FIRRM: variants seen among roughly 807,000 people sequenced by gnomAD.
FIRRM encodes the protein FIGNL1-interacting regulator of recombination and mitosis.
At chr1:169,800,213 A>G in the FIRRM span, among the ~76,000 whole-genome samples, 2 of 151,610 alleles carry the variant, frequency 1.3e-5, no homozygotes, top group East Asian at 2.0e-4. Context: ...TTCTATTTAT[A>G]TATTTATTTT....
the FIRRM span, among the ~76,000 whole-genome samples, chr1:169,821,194 G>C: frequency 0.066 from 10,088 of 152,068 alleles, 432 homozygotes; most frequent in Non-Finnish European, 0.099. Flanking sequence ...CCCCCTTCCC[G>C]AAATATATAT....
the FIRRM span, chr1:169,849,697 TC>T: frequency 1.0e-6 from 1 of 981,340 alleles, no homozygotes; most frequent in Non-Finnish European, 1.6e-6. Context: ...TTGAACTGCT[TC>T]TGTATTGCAA....
the FIRRM span, chr1:169,821,753 C>T: frequency 1.8e-5 from 28 of 1,597,802 alleles, 1 homozygote; most frequent in African/African-American, 1.1e-4. Flanking sequence ...TTTTGCACTA[C>T]GCTAAGGTAA....
At chr1:169,846,188 C>G in the FIRRM span, among the ~76,000 whole-genome samples, 6 of 152,122 alleles carry the variant, frequency 3.9e-5, no homozygotes, top group African/African-American at 1.4e-4. Flanking sequence ...GAGCAGTAGG[C>G]CTCTCAATAG....
At chr1:169,812,387 C>T in the FIRRM span, among the ~76,000 whole-genome samples, 3 of 152,256 alleles carry the variant, frequency 2.0e-5, no homozygotes, top group Non-Finnish European at 2.9e-5. Context: ...ATGGTATGAT[C>T]TTTGGAGGAC....
chr1:169,839,371 A>G, the FIRRM span, among the ~76,000 whole-genome samples: 1 of 152,188 alleles, frequency 6.6e-6, no homozygotes, highest in Non-Finnish European at 1.5e-5. Context: ...GAAATAATAT[A>G]CATTCCTACC....
chr1:169,839,633 C>G, the FIRRM span, among the ~76,000 whole-genome samples: 7 of 152,258 alleles, frequency 4.6e-5, no homozygotes, highest in Non-Finnish European at 1.0e-4. Context: ...CTTATAGATT[C>G]TGGATATTAG....
chr1:169,818,647 G>T, the FIRRM span, among the ~76,000 whole-genome samples: 33 of 152,168 alleles, frequency 2.2e-4, no homozygotes, highest in Middle Eastern at 3.4e-3. Context: ...CAGAAGAAGA[G>T]ATCCAGTAGT....
At chr1:169,799,927 A>G in the FIRRM span, among the ~76,000 whole-genome samples, 4 of 152,152 alleles carry the variant, frequency 2.6e-5, no homozygotes, top group African/African-American at 7.2e-5. Context: ...TAGTGCGATC[A>G]TAGCTCACTG....
chr1:169,813,637 T>C, the FIRRM span, among the ~76,000 whole-genome samples: 6 of 152,244 alleles, frequency 3.9e-5, no homozygotes, highest in Non-Finnish European at 7.3e-5. Context: ...AATTGCACTT[T>C]GGAGCATTCA....
chr1:169,849,169 C>A, the FIRRM span, among the ~76,000 whole-genome samples: 129 of 152,270 alleles, frequency 8.5e-4, no homozygotes, highest in African/African-American at 3.0e-3. Context: ...TTAGTGAAGT[C>A]CTCACCAAGG....
the FIRRM span, chr1:169,792,791 T>C: frequency 8.1e-6 from 13 of 1,612,902 alleles, no homozygotes; most frequent in Admixed American, 1.7e-5. Context: ...CAAATTACTA[T>C]AATAATCTGG....
the FIRRM span, among the ~76,000 whole-genome samples, chr1:169,818,334 C>G: frequency 6.6e-6 from 1 of 152,216 alleles, no homozygotes; most frequent in Non-Finnish European, 1.5e-5. Context: ...CACATGTCCC[C>G]AGGCCTTACC....
chr1:169,842,676 A>C, the FIRRM span: 3 of 942,258 alleles, frequency 3.2e-6, no homozygotes, highest in Non-Finnish European at 3.1e-6. Context: ...TAAGAACTTA[A>C]AGTACCTGTA....
At chr1:169,814,742 A>G in the FIRRM span, among the ~76,000 whole-genome samples, 1 of 152,214 alleles carries the variant, frequency 6.6e-6, no homozygotes, top group Non-Finnish European at 1.5e-5. Context: ...TAATACATAT[A>G]CAAAATATGT....
chr1:169,813,545 T>C, the FIRRM span, among the ~76,000 whole-genome samples: 1 of 152,180 alleles, frequency 6.6e-6, no homozygotes, highest in Admixed American at 6.5e-5. Flanking sequence ...TTTAACACAT[T>C]TAAAAATAAT....
At chr1:169,849,981 C>G in the FIRRM span, 9 of 482,410 alleles carry the variant, frequency 1.9e-5, no homozygotes, top group Middle Eastern at 5.5e-4. Flanking sequence ...TGCTCCTTTA[C>G]TCTTACTGCA....
the FIRRM span, among the ~76,000 whole-genome samples, chr1:169,800,597 G>A: frequency 6.6e-6 from 1 of 151,896 alleles, no homozygotes; most frequent in South Asian, 2.1e-4. Flanking sequence ...ACTACATTGT[G>A]AACATTTTTC....
At chr1:169,789,699 T>A in the FIRRM span, among the ~76,000 whole-genome samples, 1 of 152,086 alleles carries the variant, frequency 6.6e-6, no homozygotes, top group Non-Finnish European at 1.5e-5. Flanking sequence ...GGGAATGGGA[T>A]GAGAGAGAGT....
Sources: allele counts gnomAD v4.1 joint callset (sites outside exome capture counted in the v4.1 genomes callset), GRCh38; gene constraint gnomAD v4.1.1; transcripts MANE v1.5; gene names NCBI Gene and HGNC (gene_info 2026-07-23, HGNC 2026-07-21).